NBEAL1: variants seen among roughly 807,000 people sequenced by gnomAD.
The protein encoded by NBEAL1 is neurobeachin-like protein 1.
Under a neutral mutation model 351.3 loss-of-function variants are expected in NBEAL1, and 273 were observed. That is an observed-to-expected ratio of 0.78 (90% CI 0.70 to 0.86). The LOEUF is 0.86. Among genes scored for constraint, NBEAL1 ranks in the 40% least tolerant of loss-of-function variants. The pLI is 0.00. For missense variants in NBEAL1, 2,961 were observed against 3,201.3 expected (o/e 0.92, Z 1.81); for synonymous variants, 1,050 against 1,086.4 (o/e 0.97, Z 0.66).
chr2:203,099,745 TC>T, intron 12 of NBEAL1, 33 bp downstream of exon 12: 1 of 1,355,774 alleles, frequency 7.4e-7, no homozygotes, highest in Non-Finnish European at 1.0e-6. Flanking sequence ...TTTTTTTTTT[TC>T]TTAACTTTTA....
chr2:203,209,711 A>ATGTGTGTG (rs1491566182), intron 53 of NBEAL1, among the ~76,000 whole-genome samples: 120 of 32,992 alleles, frequency 3.6e-3, no homozygotes, highest in Middle Eastern at 0.014. Context: ...TATTTAATTA[A>ATGTGTGTG]TATGTGTGTG....
At chr2:203,135,558 T>C (rs1223496256) in intron 27 of NBEAL1, 119 bp from the exon 28 acceptor site, 2 of 648,268 alleles carry the variant, frequency 3.1e-6, no homozygotes, top group Non-Finnish European at 5.1e-6. Flanking sequence ...CTTTTGAAAG[T>C]ATATTCTTCT....
Position 203,062,193 on chromosome 2 carries a change from C to T in NBEAL1, c.515+4740C>T, listed in dbSNP as rs1020309423. ...CTTGACTATTTTGTTTACCTTCACA[C>T]AGTCTCTCTACCATATGACTTACAT... On this transcript the variant is annotated intron_variant, in intron 6 of 55. Transcript: ENST00000683969. The surrounding 1 kb of genome is among the most constrained non-coding windows in gnomAD (Gnocchi z 4.2). 6.7e-6 allele frequency: 3 copies of T among 446,872 alleles called. No individual in the cohort carries two copies. The highest frequency in any genetic ancestry group is 7.0e-5 in the East Asian group (1 of 14,210). 27.7% of individuals were successfully genotyped at this position (446,872 alleles called of 1,614,324 possible).
intron 12 of NBEAL1, among the ~76,000 whole-genome samples, chr2:203,103,757 C>T (rs139621023): frequency 0.028 from 4,251 of 152,240 alleles, 74 homozygotes; most frequent in Non-Finnish European, 0.044. Flanking sequence ...CTATAAATTT[C>T]CCTCTTAACA....
intron 36 of NBEAL1, among the ~76,000 whole-genome samples, chr2:203,165,389 T>A (rs189746449): frequency 1.3e-5 from 2 of 152,222 alleles, no homozygotes; most frequent in Admixed American, 6.5e-5. Flanking sequence ...GAAAGTCTCA[T>A]TTTATAGTTT....
chr2:203,036,621 G>A lies in NBEAL1; in HGVS notation c.52-5144G>A, dbSNP rs912247334. On this transcript the variant is annotated intron_variant, in intron 2 of 55. Coordinates refer to ENST00000683969, the MANE Select transcript of NBEAL1 (RefSeq NM_001378026.1). ...AAATGGGATGATATATTTTTTAAAT[G>A]CCTGCTGTACTACTTACTGTATGGC... Among the ~76,000 whole-genome samples, 3 of 149,218 alleles carry A rather than the reference G, an allele frequency of 2.0e-5. 1 individual carries two copies. The highest frequency in any genetic ancestry group is 1.5e-5 in the Non-Finnish European group (1 of 66,522).
At chr2:203,141,436 A>C (rs1038327495) in intron 31 of NBEAL1, among the ~76,000 whole-genome samples, 7 of 124,806 alleles carry the variant, frequency 5.6e-5, no homozygotes, top group Non-Finnish European at 1.1e-4. Context: ...GCTGGAGTAC[A>C]GTGGCACAAC....
At chr2:203,214,142 T>C (rs749910181) in intron 55 of NBEAL1, among the ~76,000 whole-genome samples, 12 of 152,252 alleles carry the variant, frequency 7.9e-5, no homozygotes, top group Non-Finnish European at 1.2e-4. Flanking sequence ...GATTTATCAA[T>C]TATTGAATAT....
intron 2 of NBEAL1, among the ~76,000 whole-genome samples, chr2:203,033,647 G>A (rs1412415711): frequency 1.3e-5 from 2 of 152,162 alleles, no homozygotes; most frequent in African/African-American, 4.8e-5. Flanking sequence ...GTAGTTTCTA[G>A]TGTCACAACC....
rs1299497250 is a variant in NBEAL1, at chr2:203,221,338, A to G, written c.*3984A>G. 2.0e-5 allele frequency among the ~76,000 whole-genome samples: 3 copies of G among 151,398 alleles called. No individual in the cohort carries two copies. The highest frequency in any genetic ancestry group is 7.3e-5 in the African/African-American group (3 of 41,302). On this transcript the variant is annotated 3_prime_UTR_variant, in exon 56 of 56. Transcript: ENST00000683969. ...TCTTTACCACCTTTCCACTGAAAAG[A>G]TGCAAGTCCTAGGACTATATTAAAT...
intron 31 of NBEAL1, 78 bp downstream of exon 31, chr2:203,138,826 G>A (rs1454481137): frequency 1.5e-6 from 2 of 1,355,570 alleles, no homozygotes; most frequent in Middle Eastern, 1.9e-4. Context: ...CAGTTAAAAT[G>A]TCTTTTTGGT....
chr2:203,027,385 A>C (rs1356061859), intron 2 of NBEAL1, among the ~76,000 whole-genome samples: 1 of 152,202 alleles, frequency 6.6e-6, no homozygotes, highest in Non-Finnish European at 1.5e-5. Flanking sequence ...ATTTTTCTTG[A>C]TGTTTTGTGA....
intron 35 of NBEAL1, among the ~76,000 whole-genome samples, chr2:203,153,143 A>AT: frequency 6.6e-6 from 1 of 151,996 alleles, no homozygotes; most frequent in Non-Finnish European, 1.5e-5. Flanking sequence ...AACTATTTTT[A>AT]TTTTTTTGAG....
At chr2:203,083,976 C>CTGTGTGTG (rs59252809) in intron 9 of NBEAL1, among the ~76,000 whole-genome samples, 8,410 of 134,058 alleles carry the variant, frequency 0.063, 299 homozygotes, top group East Asian at 0.087. Flanking sequence ...TCCTCAGAGC[C>CTGTGTGTG]TGTGTGTGTG....
intron 3 of NBEAL1, among the ~76,000 whole-genome samples, chr2:203,049,191 T>C (rs900206891): frequency 3.9e-5 from 6 of 152,126 alleles, no homozygotes; most frequent in African/African-American, 1.4e-4. Flanking sequence ...ATAATTACAC[T>C]TCATTTGGTA....
In NBEAL1 at chr2:203,113,114, C is replaced by T. The variant is rs1290576904; in HGVS notation, c.2302C>T (p.His768Tyr). 1.9e-6 allele frequency: 3 copies of T among 1,553,154 alleles called. No individual in the cohort carries two copies. Among genetic ancestry groups the T allele is most frequent in the South Asian group, 1.2e-5 (1 of 84,126 alleles). The part of the protein sequence containing the change: ...DPPFSSPITP[H>Y]RTSFGGILSS... ...ACCTTTCTCTTCTCCCATTACCCCT[C>T]ATCGGACATCATTTGGTGGAATTCT... is the stretch of plus-strand genomic sequence containing the variant. The change falls in exon 17 of 56, where the codon CAT (histidine) becomes TAT (tyrosine). Residue 768 changes from histidine to tyrosine, a missense_variant. Coordinates refer to ENST00000683969, the MANE Select transcript of NBEAL1 (RefSeq NM_001378026.1).
chr2:203,141,226 T>C (rs2106327455), intron 31 of NBEAL1, among the ~76,000 whole-genome samples: 1 of 26,434 alleles, frequency 3.8e-5, no homozygotes, highest in South Asian at 1.9e-3. Flanking sequence ...TGTTTTTTAA[T>C]TTGATGAAAT....
intron 2 of NBEAL1, among the ~76,000 whole-genome samples, chr2:203,026,354 A>G (rs2060856420): frequency 6.6e-6 from 1 of 152,158 alleles, no homozygotes; most frequent in Admixed American, 6.5e-5. Context: ...TTATACAATT[A>G]CTAAGAATAG....
chr2:203,180,499 G>T lies in NBEAL1; in HGVS notation c.6582G>T (p.Leu2194Phe), dbSNP rs774026790. Residue 2194 changes from leucine to phenylalanine, a missense_variant, in exon 43 of 56, where the codon TTG becomes TTT. Transcript: ENST00000683969. ...IPEFFYFPEFLENQNQFNLGR... is the reference protein window; with the variant it reads ...IPEFFYFPEFFENQNQFNLGR... ...AATTCTTCTATTTCCCAGAGTTTTT[G>T]GAAAATCAAAATCGTAAGAAATAGA... The T allele has an allele frequency of 1.2e-6, 2 of 1,609,072 alleles. No individual in the cohort carries two copies. Among genetic ancestry groups the T allele is most frequent in the South Asian group, 2.2e-5 (2 of 90,148 alleles).
Sources: gnomAD v4.1 joint callset for allele counts (sites outside exome capture counted in the v4.1 genomes callset) on GRCh38, gnomAD v4.1.1 for gene constraint, Gnocchi (gnomAD v3.1) non-coding constraint, MANE v1.5 for transcripts, NCBI Gene and HGNC (gene_info 2026-07-23, HGNC 2026-07-21) for gene names.